The following NEXMIF variants were observed in gnomAD, a reference collection of about 807,000 sequenced individuals.
NEXMIF encodes the protein neurite extension and migration factor, also known as XLMR protein related to neurite extension.
NEXMIF carries 8 observed loss-of-function variants against 62.1 expected under a neutral mutation model. That is an observed-to-expected ratio of 0.13 (90% CI 0.08 to 0.23). NEXMIF has a LOEUF of 0.23. NEXMIF is among the 10% of genes least tolerant of loss of function. NEXMIF has a pLI of 1.00. For missense variants in NEXMIF, 976 were observed against 1,113.3 expected (o/e 0.88, Z 1.75); for synonymous variants, 404 against 416.6 (o/e 0.97, Z 0.37).
At chrX:74,801,813 G>C (rs1469933390) in intron 1 of NEXMIF, among the ~76,000 whole-genome samples, 1 of 112,167 alleles carries the variant, frequency 8.9e-6, no homozygotes, top group African/African-American at 3.2e-5. Context: ...ACCTGCACTG[G>C]GCCAGAGCAG....
intron 1 of NEXMIF, among the ~76,000 whole-genome samples, chrX:74,789,555 C>G: frequency 9.0e-6 from 1 of 111,406 alleles, no homozygotes; most frequent in Middle Eastern, 4.2e-3. Flanking sequence ...GCCACACTGA[C>G]TTCCACAATG....
intron 1 of NEXMIF, among the ~76,000 whole-genome samples, chrX:74,794,822 G>T (rs756146717): frequency 8.9e-6 from 1 of 111,830 alleles, no homozygotes; most frequent in African/African-American, 3.3e-5. Context: ...GCAATGCCTC[G>T]CCCTGCTTTG....
chrX:74,878,912 C>T lies in NEXMIF; in HGVS notation c.-48+45971G>A, dbSNP rs1042273775. On this transcript the variant is annotated intron_variant, in intron 1 of 3. Coordinates refer to ENST00000055682, the MANE Select transcript of NEXMIF (RefSeq NM_001008537.3). ...TCTGGCACTCCCAATGAGATGAACC[C>T]GGTACCTCAGATGGAAATGCAGAAA... is the stretch of plus-strand genomic sequence containing the variant. 3.2e-4 allele frequency among the ~76,000 whole-genome samples: 36 copies of T among 112,658 alleles called. 1 individual carries two copies. The highest frequency in any genetic ancestry group is 5.1e-4 in the Non-Finnish European group (27 of 53,238).
At chrX:74,832,939 G>A (rs766969482) in intron 1 of NEXMIF, among the ~76,000 whole-genome samples, 1 of 111,682 alleles carries the variant, frequency 9.0e-6, no homozygotes, top group East Asian at 2.8e-4. Flanking sequence ...AATTCGTTTT[G>A]TTCTTAATTT....
chrX:74,765,853 G>A (rs1267067904), intron 1 of NEXMIF, among the ~76,000 whole-genome samples: 4 of 90,450 alleles, frequency 4.4e-5, no homozygotes, highest in Middle Eastern at 5.7e-3. Flanking sequence ...TGGTAAAACC[G>A]CATCTCTACT....
intron 1 of NEXMIF, among the ~76,000 whole-genome samples, chrX:74,759,440 T>A (rs1227060232): frequency 7.1e-5 from 8 of 112,515 alleles, no homozygotes; most frequent in African/African-American, 2.6e-4. Flanking sequence ...GCTTTTGGCA[T>A]CTTTGTCATG....
chrX:74,905,646 C>T (rs1201760026), intron 1 of NEXMIF, among the ~76,000 whole-genome samples: 4 of 110,767 alleles, frequency 3.6e-5, no homozygotes, highest in African/African-American at 9.9e-5. Context: ...CCCGTCTCTG[C>T]TAAAAATACA....
intron 1 of NEXMIF, among the ~76,000 whole-genome samples, chrX:74,810,228 A>T (rs755081837): frequency 1.8e-5 from 2 of 111,869 alleles, no homozygotes; most frequent in East Asian, 5.6e-4. Context: ...CTTTTTATTT[A>T]TATTTAAGTT....
At chrX:74,837,941 CTATG>C (rs1479300873) in intron 1 of NEXMIF, among the ~76,000 whole-genome samples, 1 of 111,392 alleles carries the variant, frequency 9.0e-6, no homozygotes, top group Non-Finnish European at 1.9e-5. Context: ...ACGTATGTTT[CTATG>C]TATGTGTGTG....
At chrX:74,760,036 T>C (rs770977205) in intron 1 of NEXMIF, among the ~76,000 whole-genome samples, 6 of 112,322 alleles carry the variant, frequency 5.3e-5, no homozygotes, top group African/African-American at 9.7e-5. Context: ...GGACTATTTT[T>C]CCATTTGTGT....
At chrX:74,814,106 G>A (rs1251294857) in intron 1 of NEXMIF, among the ~76,000 whole-genome samples, 1 of 111,350 alleles carries the variant, frequency 9.0e-6, no homozygotes, top group Non-Finnish European at 1.9e-5. Flanking sequence ...CCAAGGAACT[G>A]GTACTGCCAG....
At chrX:74,796,135 T>C (rs868783055) in intron 1 of NEXMIF, among the ~76,000 whole-genome samples, 1 of 75,257 alleles carries the variant, frequency 1.3e-5, no homozygotes, top group Non-Finnish European at 2.4e-5. Flanking sequence ...TTATATATAA[T>C]ATATATATTA....
At position 74,741,132 on chromosome X, in the gene NEXMIF, T is replaced by C. The variant is rs2080101661; in HGVS notation, c.3425A>G (p.Asn1142Ser). The C allele has an allele frequency of 1.7e-6, 2 of 1,210,897 alleles. No homozygotes were observed. Among genetic ancestry groups the C allele is most frequent in the Middle Eastern group, 2.3e-4 (1 of 4,352 alleles). Residue 1142 changes from asparagine (N) to serine (S), a missense_variant, in exon 3 of 4, where the codon AAT becomes AGT. This residue lies in a region of NEXMIF where 639 missense variants were observed against 694.5 expected (regional missense o/e 0.92). Coordinates refer to ENST00000055682, the MANE Select transcript of NEXMIF (RefSeq NM_001008537.3). ...GAGCAGGCTGACAGAATCCTCATCA[T>C]TGAACATATGGAACTGAAACTGGTG... is the stretch of plus-strand genomic sequence containing the variant. ...NNHQFQFHMF[N>S]DEDSVSLLQK...
chrX:74,833,431 T>C (rs2080445523), intron 1 of NEXMIF, among the ~76,000 whole-genome samples: 1 of 112,044 alleles, frequency 8.9e-6, no homozygotes, highest in Middle Eastern at 4.6e-3. Flanking sequence ...GCATGAAATA[T>C]CTTTTTTCAT....
intron 1 of NEXMIF, among the ~76,000 whole-genome samples, chrX:74,849,786 T>C (rs1044122733): frequency 1.5e-4 from 17 of 112,424 alleles, no homozygotes; most frequent in Non-Finnish European, 3.2e-4. Context: ...TGCTGGCTGA[T>C]GCTGCCAGGG....
intron 1 of NEXMIF, among the ~76,000 whole-genome samples, chrX:74,784,469 C>T (rs956108062): frequency 5.4e-5 from 6 of 111,142 alleles, no homozygotes; most frequent in Admixed American, 9.6e-5. Context: ...CCATTCATTG[C>T]CCTGGAGAGT....
intron 1 of NEXMIF, among the ~76,000 whole-genome samples, chrX:74,923,966 C>T (rs1220478027): frequency 8.9e-6 from 1 of 112,495 alleles, no homozygotes; most frequent in Non-Finnish European, 1.9e-5. Flanking sequence ...GTGCTGTTGT[C>T]GAAATGGGGA....
chrX:74,747,264 A>G (rs1981755817), intron 1 of NEXMIF, among the ~76,000 whole-genome samples: 1 of 111,624 alleles, frequency 9.0e-6, no homozygotes, highest in Non-Finnish European at 1.9e-5. Context: ...CCTTATGTCT[A>G]TAGTTAACTA....
rs377236994 is a variant in NEXMIF at position 74,758,702 on chromosome X, C to T, written c.-47-13005G>A. On this transcript the variant is annotated intron_variant, in intron 1 of 3. Transcript: ENST00000055682. The stretch of plus-strand genomic sequence containing the variant: ...TGCACTAGATTGCTAAGAATAATGG[C>T]CTCCAGCTCTGTCCATGTCCCTGCG... Among the ~76,000 whole-genome samples the T allele has an allele frequency of 5.4e-5, 6 of 111,576 alleles. No homozygotes were observed. The South Asian group carries it at 2.3e-3, about 42-fold the overall frequency.
Sources: allele counts gnomAD v4.1 joint callset (sites outside exome capture counted in the v4.1 genomes callset), GRCh38; gene constraint gnomAD v4.1.1; regional missense constraint gnomAD v4.1.1; transcripts MANE v1.5; gene names NCBI Gene and HGNC (gene_info 2026-07-23, HGNC 2026-07-21).